PISD: variants seen among roughly 807,000 people sequenced by gnomAD.
PISD encodes phosphatidylserine decarboxylase proenzyme, mitochondrial.
In PISD, 31 loss-of-function variants were observed where a neutral mutation model predicts 43.5. The ratio of observed to expected loss-of-function variants is 0.71; its 90% CI spans 0.54 to 0.96. PISD has a LOEUF of 0.96. Ranked by LOEUF, PISD falls within the 40% of genes least tolerant of loss-of-function variation. PISD has a pLI of 0.00. For synonymous variants in PISD, 259 were observed against 228.7 expected (o/e 1.13, Z -1.20); for missense variants, 523 against 548.4 (o/e 0.95, Z 0.46).
rs1369308217 is a variant in PISD at position 31,621,314 on chromosome 22, C to T, written c.697+20G>A. 2 of 1,613,672 alleles carry T rather than the reference C, an allele frequency of 1.2e-6. No individual in the cohort carries two copies. Among genetic ancestry groups the T allele is most frequent in the African/African-American group, 2.7e-5 (2 of 74,934 alleles). ...CACACAGCAGCAGGGCTGCCTAGCC[C>T]CGCCTGTGCAGTGACCCACCTGGTG... On this transcript the variant is annotated intron_variant, in intron 5 of 7. Coordinates refer to ENST00000439502, the MANE Select transcript of PISD (RefSeq NM_001326411.2).
intron 3 of PISD, among the ~76,000 whole-genome samples, chr22:31,633,917 T>C (rs1032780632): frequency 6.6e-6 from 1 of 152,208 alleles, no homozygotes; most frequent in African/African-American, 2.4e-5. Context: ...TTTCCTACCT[T>C]GTATTTATTT....
chr22:31,644,155 A>C (rs2073816702), intron 3 of PISD, among the ~76,000 whole-genome samples: 1 of 152,176 alleles, frequency 6.6e-6, no homozygotes, highest in South Asian at 2.1e-4. Context: ...AGAATCACCT[A>C]CAGGGCTCCT....
Position 31,619,187 on chromosome 22 carries a change from G to A in PISD, c.*425C>T, listed in dbSNP as rs573034129. 8 of 311,180 alleles carry A rather than the reference G, an allele frequency of 2.6e-5. No homozygotes were observed. The highest frequency in any genetic ancestry group is 1.2e-3 in the Middle Eastern group (1 of 832). 19.3% of individuals were successfully genotyped at this position (311,180 alleles called of 1,614,324 possible). A position where few individuals can be genotyped will look rare whatever the true frequency, so the allele number is the denominator to read the frequency against. ...CTGTGCCAAGGAGGCACCTCACCCT[G>A]TGCAGCAGGAGCGTTAAGGCCAAAA... is the stretch of plus-strand genomic sequence containing the variant. On this transcript the variant is annotated 3_prime_UTR_variant, in exon 8 of 8. Transcript: ENST00000439502.
chr22:31,650,116 A>G (rs1370908518), intron 2 of PISD, among the ~76,000 whole-genome samples: 3 of 152,220 alleles, frequency 2.0e-5, no homozygotes, highest in Non-Finnish European at 2.9e-5. Flanking sequence ...CATTATTAGT[A>G]ATCAGGGAAA....
chr22:31,640,575 G>GTTTTTT lies in PISD; in HGVS notation c.321+7520_321+7525dup, dbSNP rs759964791. Among the ~76,000 whole-genome samples the GTTTTTT allele has an allele frequency of 2.0e-3, 182 of 91,250 alleles. 5 individuals carry two copies. Among genetic ancestry groups the GTTTTTT allele is most frequent in the African/African-American group, 2.2e-3 (49 of 22,172 alleles). 59.9% of individuals were successfully genotyped at this position (91,250 alleles called of 152,430 possible). ...ACATCCTTTTTGTTTCGGTTTGGTT[G>GTTTTTT]TTTTTTTTTTTTTTTTTTTTTTTGA... On this transcript the variant is annotated intron_variant, in intron 3 of 7. Transcript: ENST00000439502.
intron 3 of PISD, among the ~76,000 whole-genome samples, chr22:31,636,721 T>C (rs1347071377): frequency 6.6e-6 from 1 of 151,940 alleles, no homozygotes; most frequent in Non-Finnish European, 1.5e-5. Context: ...TTGTATTTTT[T>C]TTAGTAGAGA....
chr22:31,652,155 G>C (rs2147797443), intron 1 of PISD, among the ~76,000 whole-genome samples: 1 of 152,074 alleles, frequency 6.6e-6, no homozygotes, highest in African/African-American at 2.4e-5. Context: ...GTGTGTGTGT[G>C]TCTGTGACAG....
intron 3 of PISD, chr22:31,638,701 G>C (rs2073593147): frequency 1.2e-6 from 1 of 825,546 alleles, no homozygotes; most frequent in Non-Finnish European, 1.5e-6. Flanking sequence ...TGCCCAGGCT[G>C]CTCTCAAACT....
intron 3 of PISD, chr22:31,632,169 C>G: frequency 1.1e-6 from 1 of 921,470 alleles, no homozygotes; most frequent in South Asian, 5.0e-5. Flanking sequence ...GCCCCATACA[C>G]CTGTCGTCCT....
intron 3 of PISD, chr22:31,626,084 T>G: frequency 7.3e-7 from 1 of 1,379,022 alleles, no homozygotes; most frequent in South Asian, 1.6e-5. Context: ...TGCAGTCCAG[T>G]GCAAAAGCCC....
chr22:31,644,163 C>T (rs1320826291), intron 3 of PISD, among the ~76,000 whole-genome samples: 1 of 152,076 alleles, frequency 6.6e-6, no homozygotes, highest in Non-Finnish European at 1.5e-5. Context: ...CTACAGGGCT[C>T]CTGGAAAACA....
chr22:31,650,622 C>T (rs2074005536), intron 2 of PISD, 77 bp downstream of exon 2: 1 of 797,748 alleles, frequency 1.3e-6, no homozygotes, highest in Non-Finnish European at 2.1e-6. Context: ...CTAACAACAA[C>T]CCTATGTTTA....
At chr22:31,644,074 A>AAACAAT (rs1223105959) in intron 3 of PISD, among the ~76,000 whole-genome samples, 2 of 151,596 alleles carry the variant, frequency 1.3e-5, no homozygotes, top group South Asian at 4.2e-4. Flanking sequence ...ACAAAAACAA[A>AAACAAT]AAACTGTAGC....
intron 3 of PISD, among the ~76,000 whole-genome samples, chr22:31,625,083 G>C (rs146840606): frequency 6.6e-6 from 1 of 152,320 alleles, no homozygotes; most frequent in East Asian, 1.9e-4. Context: ...ATCTGGGACT[G>C]TGCTCTCAAG....
upstream of PISD, chr22:31,662,343 T>A: frequency 1.2e-6 from 1 of 863,456 alleles, no homozygotes; most frequent in Non-Finnish European, 1.9e-6. Context: ...CTCCGCCCTG[T>A]GGCTACTCCC....
intron 3 of PISD, chr22:31,638,283 G>T: frequency 2.7e-6 from 2 of 749,562 alleles, no homozygotes; most frequent in Non-Finnish European, 3.3e-6. Flanking sequence ...GGCAGGTCCA[G>T]TCACAACAGC....
rs1247759955 is a variant in PISD at position 31,650,788 on chromosome 22, A to C, written c.66-10T>G. On this transcript the variant is annotated splice_polypyrimidine_tract_variant and intron_variant, in intron 1 of 7. Coordinates refer to ENST00000439502, the MANE Select transcript of PISD (RefSeq NM_001326411.2). ...CTCACAGGGATGGAGGCTATAACCA[A>C]GCAAAAATGAACCATTAAATATTAT... The C allele has an allele frequency of 6.6e-7, 1 of 1,511,102 alleles. No homozygotes were observed. Among genetic ancestry groups the C allele is most frequent in the Admixed American group, 2.1e-5 (1 of 48,236 alleles). The allele number at this position is 1,511,102 out of a possible 1,614,324, so 93.6% of individuals were successfully genotyped here.
At chr22:31,627,074 C>T (rs1245735473) in intron 3 of PISD, among the ~76,000 whole-genome samples, 2 of 152,246 alleles carry the variant, frequency 1.3e-5, no homozygotes, top group African/African-American at 2.4e-5. Context: ...GTGAAGATTC[C>T]GCCCGGGAAC....
chr22:31,629,630 G>A (rs1368672946), intron 3 of PISD: 1 of 146,306 alleles, frequency 6.8e-6, no homozygotes, highest in East Asian at 2.1e-4. Context: ...TGTGTAGGTA[G>A]GGGGTGTGTG....
Sources: gnomAD v4.1 joint callset for allele counts (sites outside exome capture counted in the v4.1 genomes callset) on GRCh38, gnomAD v4.1.1 for gene constraint, MANE v1.5 for transcripts, NCBI Gene and HGNC (gene_info 2026-07-23, HGNC 2026-07-21) for gene names.